AFMID: variants seen among roughly 807,000 people sequenced by gnomAD.
AFMID encodes the protein arylformamidase.
AFMID carries 39 observed loss-of-function variants against 47.5 expected under a neutral mutation model. The observed-to-expected ratio is 0.82, with a 90% CI of 0.64 to 1.07. The LOEUF (loss-of-function observed/expected upper bound fraction) is 1.07. Among genes scored for constraint, AFMID ranks in the 50% least tolerant of loss-of-function variants. The pLI, the probability that AFMID is intolerant of heterozygous loss-of-function variation, is 0.00. For missense variants in AFMID, 375 were observed against 387.5 expected (o/e 0.97, Z 0.27); for synonymous variants, 130 against 153.2 (o/e 0.85, Z 1.12).
chr17:78,197,929 A>G lies in AFMID; in HGVS notation c.155-4570A>G, dbSNP rs141046950. 2.8e-4 allele frequency among the ~76,000 whole-genome samples: 42 copies of G among 152,246 alleles called. No homozygotes were observed. In the East Asian group the frequency reaches 5.2e-3, roughly 19 times the overall value. On this transcript the variant is annotated intron_variant, in intron 2 of 10. Transcript: ENST00000409257. ...CCCAGGAGTTCGAAACCAGCTGGCA[A>G]CATGCAAGACCTGGTCTCTACAAAA...
At chr17:78,192,972 G>T (rs529598556) in intron 2 of AFMID, among the ~76,000 whole-genome samples, 105 of 152,170 alleles carry the variant, frequency 6.9e-4, no homozygotes, top group African/African-American at 2.4e-3. Flanking sequence ...TCAATAGATT[G>T]GGGGGGAGCT....
At chr17:78,203,441 C>T (rs186530437) in intron 4 of AFMID, 3 of 149,708 alleles carry the variant, frequency 2.0e-5, no homozygotes, top group African/African-American at 7.4e-5. Context: ...TGGGGGGACA[C>T]AGTTCAACCC....
intron 3 of AFMID, 21 bp downstream of exon 3, chr17:78,202,624 G>A (rs761874764): frequency 2.5e-6 from 4 of 1,605,468 alleles, no homozygotes; most frequent in Non-Finnish European, 3.4e-6. Context: ...AAGGGGCTGG[G>A]GGTCCCGGGG....
At chr17:78,193,508 G>A (rs80200685) in intron 2 of AFMID, among the ~76,000 whole-genome samples, 4,769 of 148,542 alleles carry the variant, frequency 0.032, 230 homozygotes, top group East Asian at 0.24. Flanking sequence ...GAAACTTCAA[G>A]TCATATGAAT....
At chr17:78,198,485 G>A (rs562821414) in intron 2 of AFMID, among the ~76,000 whole-genome samples, 16 of 151,958 alleles carry the variant, frequency 1.1e-4, no homozygotes, top group African/African-American at 3.9e-4. Context: ...GTGCGTGCCT[G>A]TAATCCCAGT....
chr17:78,197,034 CATG>C, intron 2 of AFMID: 1 of 873,468 alleles, frequency 1.1e-6, no homozygotes, highest in Non-Finnish European at 1.9e-6. Flanking sequence ...GAGGCTTATG[CATG>C]ATAATGAACA....
chr17:78,196,327 T>C (rs1227635702), intron 2 of AFMID, among the ~76,000 whole-genome samples: 1 of 152,098 alleles, frequency 6.6e-6, no homozygotes, highest in African/African-American at 2.4e-5. Context: ...ATTGCACCAC[T>C]GCACTCTAGC....
At chr17:78,191,145 TGCTGCACC>T in intron 2 of AFMID, 85 bp downstream of exon 2, 1 of 1,206,252 alleles carries the variant, frequency 8.3e-7, no homozygotes, top group South Asian at 1.3e-5. Context: ...GGGGGGGCTG[TGCTGCACC>T]ACCTGGGCCT....
rs1014857754 is a variant in AFMID, at chr17:78,205,654, G to A, written c.696G>A (p.Pro232=). The A allele has an allele frequency of 1.1e-5, 17 of 1,613,604 alleles. No individual in the cohort carries two copies. The highest frequency in any genetic ancestry group is 3.3e-5 in the South Asian group (3 of 91,082). ...SPQLKVAQAQ[P]VDPTCRVLVV... The stretch of plus-strand genomic sequence containing the variant: ...AGCTGAAGGTGGCCCAGGCACAGCC[G>A]GTGGACCCCACCTGCCGTGTGCTGG... Residue 232 remains proline, a synonymous_variant, in exon 9 of 11, where the codon CCG becomes CCA. Transcript: ENST00000409257.
rs1195655006 is a variant in AFMID at position 78,203,785 on chromosome 17, AG to A, written c.309-868del. 2.6e-5 allele frequency: 4 copies of A among 152,070 alleles called. No homozygotes were observed. The East Asian group carries it at 7.7e-4, about 29-fold the overall frequency. The allele number at this position is 152,070 out of a possible 1,614,324, so 9.4% of individuals were successfully genotyped here. The stretch of plus-strand genomic sequence containing the variant: ...ACGCCTGTAATCCCAACACTTTGGA[AG>A]GGCAAGGCGGACGGATCACTTGAGG... On this transcript the variant is annotated intron_variant, in intron 4 of 10. Transcript: ENST00000409257.
chr17:78,207,351 T>G lies in AFMID; in HGVS notation c.*414T>G, dbSNP rs2076409019. 1 of 170,800 alleles carries G rather than the reference T, an allele frequency of 5.9e-6. No individual in the cohort carries two copies. The highest frequency in any genetic ancestry group is 1.2e-5 in the Non-Finnish European group (1 of 85,226). 10.6% of individuals were successfully genotyped at this position (170,800 alleles called of 1,614,324 possible). A position where few individuals can be genotyped will look rare whatever the true frequency, so the allele number is the denominator to read the frequency against. On this transcript the variant is annotated 3_prime_UTR_variant, in exon 11 of 11. Transcript: ENST00000409257. ...CAGGCTGGAGTGCAGTGGCGTGATC[T>G]TGGCTCACTGCAACCTCCACCTCCC... is the stretch of plus-strand genomic sequence containing the variant.
chr17:78,205,241 C>G (rs1230191417), intron 7 of AFMID, 51 bp downstream of exon 7: 3 of 1,550,594 alleles, frequency 1.9e-6, no homozygotes, highest in Non-Finnish European at 2.6e-6. Context: ...TCCCCATGAG[C>G]CTTGGGGTTT....
chr17:78,197,074 A>T, intron 2 of AFMID: 1 of 1,357,218 alleles, frequency 7.4e-7, no homozygotes, highest in Non-Finnish European at 1.0e-6. Context: ...TTTAATGGCC[A>T]TTCCACTTAG....
intron 2 of AFMID, among the ~76,000 whole-genome samples, chr17:78,198,844 A>G (rs1320740599): frequency 1.3e-5 from 2 of 151,920 alleles, no homozygotes; most frequent in Non-Finnish European, 2.9e-5. Context: ...AACCAAAACC[A>G]CACAAGGCTT....
intron 10 of AFMID, among the ~76,000 whole-genome samples, chr17:78,206,579 C>G (rs2076388525): frequency 1.2e-5 from 1 of 85,698 alleles, no homozygotes; most frequent in Non-Finnish European, 2.1e-5. Flanking sequence ...GCTAATTATT[C>G]AATGTTTTGT....
intron 2 of AFMID, among the ~76,000 whole-genome samples, chr17:78,196,536 A>G (rs1456248605): frequency 6.6e-6 from 1 of 152,160 alleles, no homozygotes; most frequent in East Asian, 1.9e-4. Flanking sequence ...AAAATGAGCC[A>G]GGCATAGTGG....
rs139420093 is a variant in AFMID, at chr17:78,205,653, C to T, written c.695C>T (p.Pro232Leu). 226 of 1,613,814 alleles carry T rather than the reference C, an allele frequency of 1.4e-4. No homozygotes were observed. The highest frequency in any genetic ancestry group is 3.9e-4 in the African/African-American group (29 of 75,024). ...SPQLKVAQAQ[P>L]VDPTCRVLVV... ...CAGCTGAAGGTGGCCCAGGCACAGC[C>T]GGTGGACCCCACCTGCCGTGTGCTG... is the stretch of plus-strand genomic sequence containing the variant. Residue 232 changes from proline (P) to leucine (L), a missense_variant, in exon 9 of 11, where the codon CCG becomes CTG. Physicochemically the swap from Pro to Leu is moderately conservative, Grantham distance 98 (BLOSUM62 -3). Transcript: ENST00000409257.
intron 1 of AFMID, among the ~76,000 whole-genome samples, chr17:78,188,358 AC>A (rs1448772896): frequency 2.0e-5 from 3 of 152,198 alleles, no homozygotes; most frequent in African/African-American, 7.2e-5. Flanking sequence ...GAAGCAACCC[AC>A]ACTGACTGGC....
intron 2 of AFMID, among the ~76,000 whole-genome samples, chr17:78,193,337 C>G (rs948917142): frequency 2.2e-5 from 3 of 136,442 alleles, no homozygotes; most frequent in Admixed American, 8.2e-5. Flanking sequence ...CGCCACTGCA[C>G]TCCAGCCTGG....
Sources: gnomAD v4.1 joint callset for allele counts (sites outside exome capture counted in the v4.1 genomes callset) on GRCh38, gnomAD v4.1.1 for gene constraint, MANE v1.5 for transcripts, NCBI Gene and HGNC (gene_info 2026-07-23, HGNC 2026-07-21) for gene names.